The following CAND1 variants were observed in gnomAD, a reference collection of about 807,000 sequenced individuals.
The protein encoded by CAND1 is cullin associated and neddylation dissociated 1.
Under a neutral mutation model 108.5 loss-of-function variants are expected in CAND1, and 7 were observed. The ratio of observed to expected loss-of-function variants is 0.06; its 90% confidence interval spans 0.04 to 0.12. CAND1 has a LOEUF of 0.12. CAND1 is among the 10% of genes least tolerant of loss of function. CAND1 has a pLI of 1.00. For synonymous variants in CAND1, 534 were observed against 512.0 expected (o/e 1.04, Z -0.58); for missense variants, 941 against 1,448.7 (o/e 0.65, Z 5.69).
intron 11 of CAND1, 80 bp from the exon 12 acceptor site, chr12:67,309,821 T>C: frequency 1.0e-6 from 1 of 998,338 alleles, no homozygotes; most frequent in Non-Finnish European, 1.4e-6. Flanking sequence ...AAATAAATTA[T>C]ATCAACTTAG....
At chr12:67,293,279 G>A (rs1240939550) in intron 3 of CAND1, 2 of 153,150 alleles carry the variant, frequency 1.3e-5, no homozygotes, top group African/African-American at 4.8e-5. Context: ...TTAAAACTAT[G>A]ATTAATGTAT....
At position 67,284,565 on chromosome 12, in the gene CAND1, A is replaced by G. The variant is rs143777580; in HGVS notation, c.212+2512A>G. Among the ~76,000 whole-genome samples the G allele has an allele frequency of 4.4e-4, 67 of 152,306 alleles. 1 individual carries two copies. Among genetic ancestry groups the G allele is most frequent in the African/African-American group, 1.3e-3 (55 of 41,568 alleles). On this transcript the variant is annotated intron_variant, in intron 2 of 14. Coordinates refer to ENST00000545606, the MANE Select transcript of CAND1 (RefSeq NM_018448.5). Reference sequence around the variant, plus strand: ...GGGAGGTGAAGAACTTCCAAAAACCAGCATCATACTTGATTTGTCATTAGA... The same window carrying G: ...GGGAGGTGAAGAACTTCCAAAAACCGGCATCATACTTGATTTGTCATTAGA...
In CAND1 at chr12:67,319,451, C is replaced by A. The variant is rs2045038918; in HGVS notation, c.*6621C>A. ...GGTTAGGTCAAGGACTCCAGGAAGT[C>A]TTCCCTGGACAAGTAATGAAGAGGG... On this transcript the variant is annotated 3_prime_UTR_variant, in exon 15 of 15. Transcript: ENST00000545606. The A allele has an allele frequency of 6.6e-6, 1 of 152,148 alleles. No individual in the cohort carries two copies. Among genetic ancestry groups the A allele is most frequent in the African/African-American group, 2.4e-5 (1 of 41,426 alleles). 9.4% of individuals were successfully genotyped at this position (152,148 alleles called of 1,614,324 possible). A position where few individuals can be genotyped will look rare whatever the true frequency, so the allele number is the denominator to read the frequency against.
chr12:67,295,213 T>A, intron 4 of CAND1, 57 bp downstream of exon 4: 6 of 1,464,472 alleles, frequency 4.1e-6, no homozygotes, highest in Non-Finnish European at 5.6e-6. Context: ...ATTAATTTAC[T>A]AAAAACCCTT....
intron 8 of CAND1, 136 bp from the exon 9 acceptor site, chr12:67,304,469 G>A: frequency 7.4e-6 from 6 of 807,392 alleles, no homozygotes; most frequent in Non-Finnish European, 1.2e-5. Flanking sequence ...GTTAGCAATA[G>A]CAATAGATAG....
At chr12:67,271,866 A>G (rs2044523668) in intron 1 of CAND1, among the ~76,000 whole-genome samples, 1 of 152,242 alleles carries the variant, frequency 6.6e-6, no homozygotes, top group Non-Finnish European at 1.5e-5. Context: ...CGCTGTAGCC[A>G]TCTAGTTAAT....
In CAND1 at chr12:67,317,489, T is replaced by G. The variant is rs1289055687; in HGVS notation, c.*4659T>G. 6.9e-6 allele frequency: 1 copy of G among 145,946 alleles called. No individual in the cohort carries two copies. 9.0% of individuals were successfully genotyped at this position (145,946 alleles called of 1,614,324 possible). ...TCTTTCTTAATTTTTTTTTTTTTTT[T>G]TTTTTTTGAGATTGATGGAGTCTTG... On this transcript the variant is annotated 3_prime_UTR_variant, in exon 15 of 15. Transcript: ENST00000545606.
intron 7 of CAND1, among the ~76,000 whole-genome samples, chr12:67,300,919 C>T (rs977813501): frequency 1.2e-4 from 19 of 152,088 alleles, no homozygotes; most frequent in Non-Finnish European, 2.6e-4. Context: ...CTAGGTACTT[C>T]ACCTGCTTTA....
In CAND1 at chr12:67,319,509, C is replaced by A. The variant is rs2045039325; in HGVS notation, c.*6679C>A. 1 of 152,142 alleles carries A rather than the reference C, an allele frequency of 6.6e-6. No homozygotes were observed. Among genetic ancestry groups the A allele is most frequent in the Non-Finnish European group, 1.5e-5 (1 of 68,056 alleles). 9.4% of individuals were successfully genotyped at this position (152,142 alleles called of 1,614,324 possible). ...CAAGGGCCAACTCCCATGTTTGGAA[C>A]CTGACTCCATTTTCAGGCACGTAAT... On this transcript the variant is annotated 3_prime_UTR_variant, in exon 15 of 15. Transcript: ENST00000545606.
At position 67,294,960 on chromosome 12, in the gene CAND1, G is replaced by A. The variant is rs986006752; in HGVS notation, c.368-73G>A. ...CAAGTGTGGAGTTGTTAAATATTTG[G>A]TAACTACCATGAATATAAGAGGGAA... On this transcript the variant is annotated intron_variant, in intron 3 of 14. Coordinates refer to ENST00000545606, the MANE Select transcript of CAND1 (RefSeq NM_018448.5). 4 of 1,486,596 alleles carry A rather than the reference G, an allele frequency of 2.7e-6. No homozygotes were observed. In the Middle Eastern group the frequency reaches 6.5e-4, roughly 241 times the overall value. The allele number at this position is 1,486,596 out of a possible 1,614,324, so 92.1% of individuals were successfully genotyped here. A position where few individuals can be genotyped will look rare whatever the true frequency, so the allele number is the denominator to read the frequency against.
At chr12:67,301,252 A>C (rs902292413) in intron 7 of CAND1, among the ~76,000 whole-genome samples, 1 of 152,022 alleles carries the variant, frequency 6.6e-6, no homozygotes, top group African/African-American at 2.4e-5. Flanking sequence ...TAAGCTTTTG[A>C]GTTGGAAAAT....
intron 8 of CAND1, among the ~76,000 whole-genome samples, chr12:67,303,162 A>G (rs1417228897): frequency 1.3e-5 from 2 of 152,190 alleles, no homozygotes; most frequent in Non-Finnish European, 2.9e-5. Flanking sequence ...GATCCTAAAC[A>G]TTAGAGCTAT....
chr12:67,303,933 A>G (rs1453259900), intron 8 of CAND1, among the ~76,000 whole-genome samples: 1 of 150,590 alleles, frequency 6.6e-6, no homozygotes, highest in Non-Finnish European at 1.5e-5. Flanking sequence ...AATACCATTT[A>G]TAAATTAACC....
rs1592622908 is a variant in CAND1 at position 67,305,692 on chromosome 12, A to T, written c.2024A>T (p.Asp675Val). Residue 675 changes from aspartate (D) to valine (V), a missense_variant, in exon 10 of 15, where the codon GAT becomes GTT. By Grantham distance (152) the Asp-to-Val change is radical. This residue lies in a region of CAND1 where 697 missense variants were observed against 942.0 expected (regional missense o/e 0.74). Transcript: ENST00000545606. This position sits in a 1 kb window ranked among gnomAD's most constrained non-coding sequence, Gnocchi z 4.4. The part of the protein sequence containing the change: ...ALKLGTLSAL[D>V]ILIKNYSDSL... ...AAACTGGGTACTCTTTCTGCCCTTG[A>T]TATTCTAATAAAAAACTATAGTGAC... is the stretch of plus-strand genomic sequence containing the variant. 1.2e-6 allele frequency: 2 copies of T among 1,614,048 alleles called. No homozygotes were observed. The highest frequency in any genetic ancestry group is 1.7e-6 in the Non-Finnish European group (2 of 1,179,978).
Position 67,302,544 on chromosome 12 carries a change from G to T in CAND1, c.1222G>T (p.Val408Leu), listed in dbSNP as rs2044835984. The change falls in exon 8 of 15, where the codon GTA becomes TTA. Residue 408 changes from valine (V) to leucine (L), a missense_variant. Physicochemically the swap from Val to Leu is conservative, Grantham distance 32. Coordinates refer to ENST00000545606, the MANE Select transcript of CAND1 (RefSeq NM_018448.5). Reference protein sequence around the residue: ...YLSLLKQTRPVQSWLCDPDAM... With the variant: ...YLSLLKQTRPLQSWLCDPDAM... ...TTCTCTTTTGAAGCAAACTCGTCCTGTACAAAGTTGGCTATGTGACCCTGA... is the reference window on the plus strand; with the variant it reads ...TTCTCTTTTGAAGCAAACTCGTCCTTTACAAAGTTGGCTATGTGACCCTGA... 6.2e-7 allele frequency: 1 copy of T among 1,614,140 alleles called. No individual in the cohort carries two copies. Among genetic ancestry groups the T allele is most frequent in the Non-Finnish European group, 8.5e-7 (1 of 1,179,960 alleles).
At position 67,295,022 on chromosome 12, in the gene CAND1, TATTC is replaced by T; in HGVS notation, c.368-8_368-5del. The stretch of plus-strand genomic sequence containing the variant: ...TGCCTTGAAATTATTATTGGCTTCT[TATTC>T]ATGCAGGCTCTGCATTAGCTGCTAA... On this transcript the variant is annotated splice_polypyrimidine_tract_variant and splice_region_variant and intron_variant, in intron 3 of 14. Transcript: ENST00000545606. The T allele has an allele frequency of 1.2e-6, 2 of 1,605,848 alleles. No homozygotes were observed. The highest frequency in any genetic ancestry group is 1.7e-6 in the Non-Finnish European group (2 of 1,176,396).
intron 2 of CAND1, among the ~76,000 whole-genome samples, chr12:67,287,233 G>T (rs1425278888): frequency 1.3e-5 from 2 of 152,214 alleles, no homozygotes; most frequent in African/African-American, 4.8e-5. Context: ...TTGCCCTGTT[G>T]AGAAACATGG....
At chr12:67,289,645 C>T (rs548444838) in intron 2 of CAND1, among the ~76,000 whole-genome samples, 11 of 152,128 alleles carry the variant, frequency 7.2e-5, no homozygotes, top group Non-Finnish European at 1.3e-4. Flanking sequence ...CCAGAGTGCT[C>T]GGATTACAAT....
At chr12:67,308,656 C>T (rs1207351290) in intron 11 of CAND1, among the ~76,000 whole-genome samples, 1 of 151,974 alleles carries the variant, frequency 6.6e-6, no homozygotes, top group East Asian at 1.9e-4. Context: ...GTTCATGACA[C>T]CATTTTGTCC....
Sources: gnomAD v4.1 joint callset for allele counts (sites outside exome capture counted in the v4.1 genomes callset) on GRCh38, gnomAD v4.1.1 for gene constraint, gnomAD v4.1.1 regional missense constraint, Gnocchi (gnomAD v3.1) non-coding constraint, MANE v1.5 for transcripts, NCBI Gene and HGNC (gene_info 2026-07-23, HGNC 2026-07-21) for gene names.